The following TMC6 variants were observed in gnomAD, a reference collection of about 807,000 sequenced individuals.
The protein encoded by TMC6 is transmembrane channel-like protein 6.
TMC6 carries 71 observed loss-of-function variants against 95.4 expected under a neutral mutation model. That is an observed-to-expected ratio of 0.74 (90% CI 0.61 to 0.91). The LOEUF (loss-of-function observed/expected upper bound fraction) is 0.91, where lower values mean the gene tolerates loss of function less well. TMC6 is among the 40% of genes least tolerant of loss of function. The pLI is 0.00. For missense variants in TMC6, 1,074 were observed against 1,079.1 expected, an observed-to-expected ratio of 1.00 and a Z score of 0.07; for synonymous variants, 514 against 483.1, an observed-to-expected ratio of 1.06 and a Z score of -0.84.
Position 78,126,515 on chromosome 17 carries a change from T to C in TMC6, c.181+9A>G. The C allele has an allele frequency of 1.2e-6, 2 of 1,613,168 alleles. No individual in the cohort carries two copies. On this transcript the variant is annotated intron_variant, in intron 3 of 19. Transcript: ENST00000590602. ...GTCCACACCACCCAGCATCCAGGCC[T>C]GAGCTCACCTGTCACCTCCCGCTCT... is the stretch of plus-strand genomic sequence containing the variant.
rs2073808379 is a variant in TMC6 at position 78,110,706 on chromosome 17, C to G, written c.*2442G>C. 1 of 152,244 alleles carries G rather than the reference C, an allele frequency of 6.6e-6. No homozygotes were observed. Among genetic ancestry groups the G allele is most frequent in the South Asian group, 2.1e-4 (1 of 4,834 alleles). The allele number at this position is 152,244 out of a possible 1,614,324, so 9.4% of individuals were successfully genotyped here. A position where few individuals can be genotyped will look rare whatever the true frequency, so the allele number is the denominator to read the frequency against. On this transcript the variant is annotated 3_prime_UTR_variant, in exon 20 of 20. Coordinates refer to ENST00000590602, the MANE Select transcript of TMC6 (RefSeq NM_001127198.5). ...AACAGTTTGTAGATCTTAGGCTGCT[C>G]TCATCGAGCAAACATGGCCTCCTTG...
rs777859742 is a variant in TMC6 at position 78,121,099 on chromosome 17, G to A, written c.1449C>T (p.Asn483=). 2 of 1,612,460 alleles carry A rather than the reference G, an allele frequency of 1.2e-6. No individual in the cohort carries two copies. The highest frequency in any genetic ancestry group is 4.5e-5 in the East Asian group (2 of 44,848). ...LVLPLVVGLL[N]LGAPYLCRVL... is the part of the protein sequence containing the mutation. ...CACGGCACAGGTAGGGGGCCCCCAG[G>A]TTGAGGAGGCCAACCACCAGGGGCA... is the stretch of plus-strand genomic sequence containing the variant. Residue 483 remains asparagine (N), a synonymous_variant, in exon 12 of 20, where the codon AAC becomes AAT. Coordinates refer to ENST00000590602, the MANE Select transcript of TMC6 (RefSeq NM_001127198.5). This position sits in a 1 kb window ranked among gnomAD's most constrained non-coding sequence, Gnocchi z 5.6.
At chr17:78,131,849 C>T, upstream of TMC6, 1 of 1,471,300 alleles carries the variant, frequency 6.8e-7, no homozygotes, top group Non-Finnish European at 9.0e-7. Flanking sequence ...GGGCGGGTGA[C>T]TCAGGGGCGC....
upstream of TMC6, chr17:78,132,151 C>T (rs2075011972): frequency 1.4e-6 from 2 of 1,463,652 alleles, no homozygotes; most frequent in African/African-American, 1.4e-5. Context: ...CAATCGGCCC[C>T]TCCCCCCTCC....
intron 15 of TMC6, among the ~76,000 whole-genome samples, chr17:78,118,639 G>A (rs1452168316): frequency 6.6e-6 from 1 of 152,208 alleles, no homozygotes. Context: ...ACCCAGTTGC[G>A]GAGAGAGGCC....
At chr17:78,119,800 AATTTTTATTT>A (rs1192709972) in intron 13 of TMC6, 1 of 375,990 alleles carries the variant, frequency 2.7e-6, no homozygotes, top group African/African-American at 2.1e-5. Flanking sequence ...AGGCCCAGCT[AATTTTTATTT>A]ATTTTTATTT....
rs1463840017 is a variant in TMC6 at position 78,122,474 on chromosome 17, GC to G, written c.1227+130del. 13 of 1,377,638 alleles carry G rather than the reference GC, an allele frequency of 9.4e-6. No individual in the cohort carries two copies. The highest frequency in any genetic ancestry group is 2.6e-4 in the Middle Eastern group (1 of 3,886). The allele number at this position is 1,377,638 out of a possible 1,614,324, so 85.3% of individuals were successfully genotyped here. On this transcript the variant is annotated intron_variant, in intron 10 of 19. Transcript: ENST00000590602. The surrounding 1 kb of genome is among the most constrained non-coding windows in gnomAD (Gnocchi z 4.9). Reference sequence around the variant, plus strand: ...AAGCAGAAGACCACGCCTGCCCAGCGCCCCGAGTTCAGCTCACGGACAGCTG... The same window carrying G: ...AAGCAGAAGACCACGCCTGCCCAGCGCCCGAGTTCAGCTCACGGACAGCTG...
At chr17:78,113,407 C>CG (rs1172448759) in intron 19 of TMC6, 141 bp downstream of exon 19, 128 of 1,240,010 alleles carry the variant, frequency 1.0e-4, no homozygotes, top group African/African-American at 1.9e-4. Context: ...AGGTGGGCGC[C>CG]GGGGGGGAGA....
intron 1 of TMC6, among the ~76,000 whole-genome samples, chr17:78,127,735 C>A (rs1318754636): frequency 1.3e-5 from 2 of 152,242 alleles, no homozygotes; most frequent in African/African-American, 2.4e-5. Flanking sequence ...TCAAAGTCGG[C>A]CGGGTTGAAG....
In TMC6 at chr17:78,110,828, A is replaced by G. The variant is rs558762015; in HGVS notation, c.*2320T>C. On this transcript the variant is annotated 3_prime_UTR_variant, in exon 20 of 20. Coordinates refer to ENST00000590602, the MANE Select transcript of TMC6 (RefSeq NM_001127198.5). ...AGGCGAGGAGCTGGGAGGTCACAGA[A>G]CATGCCCCAGGGCACCCAGGGACAC... The G allele has an allele frequency of 1.3e-5, 2 of 152,412 alleles. No homozygotes were observed. The highest frequency in any genetic ancestry group is 1.3e-4 in the Admixed American group (2 of 15,298). The allele number at this position is 152,412 out of a possible 1,614,324, so 9.4% of individuals were successfully genotyped here. A position where few individuals can be genotyped will look rare whatever the true frequency, so the allele number is the denominator to read the frequency against.
upstream of TMC6, among the ~76,000 whole-genome samples, chr17:78,129,928 G>C (rs1298640238): frequency 6.6e-6 from 1 of 152,148 alleles, no homozygotes; most frequent in Non-Finnish European, 1.5e-5. This position sits in a 1 kb window ranked among gnomAD's most constrained non-coding sequence, Gnocchi z 4.3. Context: ...CCCACTGTGT[G>C]CCCAGCACCA....
At chr17:78,132,275 G>T, upstream of TMC6, 1 of 1,545,254 alleles carries the variant, frequency 6.5e-7, no homozygotes, top group Admixed American at 1.8e-5. Flanking sequence ...ACCCCACGCC[G>T]TCCGGTGGGC....
intron 13 of TMC6, chr17:78,119,689 C>T: frequency 2.2e-6 from 1 of 460,894 alleles, no homozygotes; most frequent in East Asian, 4.7e-5. Context: ...GGCTGGAGCA[C>T]AGTGACGCAA....
Position 78,112,856 on chromosome 17 carries a change from C to A in TMC6, c.*292G>T. The stretch of plus-strand genomic sequence containing the variant: ...GACCCAGACCTGCGCCTGGAGGTGG[C>A]CCCAGGGCAGCGGGAAGCAGGCCCC... On this transcript the variant is annotated 3_prime_UTR_variant, in exon 20 of 20. Transcript: ENST00000590602. 1 of 486,598 alleles carries A rather than the reference C, an allele frequency of 2.1e-6. No individual in the cohort carries two copies. Among genetic ancestry groups the A allele is most frequent in the East Asian group, 3.7e-5 (1 of 27,390 alleles). 30.1% of individuals were successfully genotyped at this position (486,598 alleles called of 1,614,324 possible). A position where few individuals can be genotyped will look rare whatever the true frequency, so the allele number is the denominator to read the frequency against.
At position 78,115,446 on chromosome 17, in the gene TMC6, C is replaced by T. The variant is rs1216625203; in HGVS notation, c.2278-1822G>A. Among the ~76,000 whole-genome samples the T allele has an allele frequency of 3.9e-5, 6 of 152,154 alleles. No individual in the cohort carries two copies. The South Asian group carries it at 1.2e-3, about 32-fold the overall frequency. On this transcript the variant is annotated intron_variant, in intron 18 of 19. Transcript: ENST00000590602. ...GGGGAGCCCTAGGGGGAGGGCAGAG[C>T]CCAGCAGCAGGACGCAAGCCTGGAA...
chr17:78,112,169 C>G lies in TMC6; in HGVS notation c.*979G>C. 1 of 247,752 alleles carries G rather than the reference C, an allele frequency of 4.0e-6. No homozygotes were observed. Among genetic ancestry groups the G allele is most frequent in the South Asian group, 3.3e-5 (1 of 30,322 alleles). The allele number at this position is 247,752 out of a possible 1,614,324, so 15.3% of individuals were successfully genotyped here. On this transcript the variant is annotated 3_prime_UTR_variant, in exon 20 of 20. Coordinates refer to ENST00000590602, the MANE Select transcript of TMC6 (RefSeq NM_001127198.5). The stretch of plus-strand genomic sequence containing the variant: ...GCACAGGCTGACGGGCTGGTCCCCA[C>G]AGACCTGGAGCACTGGGGTCATGAC...
rs575449329 is a variant in TMC6 at position 78,109,159 on chromosome 17, G to A, written c.*3989C>T. The A allele has an allele frequency of 5.3e-5, 16 of 304,754 alleles. No homozygotes were observed. Among genetic ancestry groups the A allele is most frequent in the Middle Eastern group, 6.5e-4 (1 of 1,536 alleles). The allele number at this position is 304,754 out of a possible 1,614,324, so 18.9% of individuals were successfully genotyped here. On this transcript the variant is annotated 3_prime_UTR_variant, in exon 20 of 20. Transcript: ENST00000590602. ...TATTTTGGCAACATCACGGCAGAAC[G>A]GTAAAGGCAGAAAGCACAGTGCCCA...
At chr17:78,132,315 C>G (rs770025780), upstream of TMC6, 1 of 1,607,818 alleles carries the variant, frequency 6.2e-7, no homozygotes, top group Non-Finnish European at 8.5e-7. Context: ...GCGGCCCCAG[C>G]CCCGGCCCCG....
rs941066784 is a variant in TMC6, at chr17:78,107,707, C to T, written c.*5441G>A. The T allele has an allele frequency of 6.6e-6, 1 of 152,228 alleles. No individual in the cohort carries two copies. Among genetic ancestry groups the T allele is most frequent in the African/African-American group, 2.4e-5 (1 of 41,454 alleles). 9.4% of individuals were successfully genotyped at this position (152,228 alleles called of 1,614,324 possible). A position where few individuals can be genotyped will look rare whatever the true frequency, so the allele number is the denominator to read the frequency against. The stretch of plus-strand genomic sequence containing the variant: ...AGGCACAGCCAAGCTTTCCAGCTCT[C>T]CACCCCCGTGGCCCATCCAAGTCTG... On this transcript the variant is annotated 3_prime_UTR_variant, in exon 20 of 20. Transcript: ENST00000590602.
Sources: allele counts gnomAD v4.1 joint callset (sites outside exome capture counted in the v4.1 genomes callset), GRCh38; gene constraint gnomAD v4.1.1; non-coding constraint Gnocchi (gnomAD v3.1); transcripts MANE v1.5; gene names NCBI Gene and HGNC (gene_info 2026-07-23, HGNC 2026-07-21).